Variants in TAFA1 observed in about 807,000 individuals in gnomAD.
The protein encoded by TAFA1 is TAFA chemokine like family member 1.
Under a neutral mutation model 18.5 loss-of-function variants are expected in TAFA1, and 4 were observed. That is an observed-to-expected ratio of 0.22 (90% CI 0.11 to 0.49). The LOEUF is 0.49. Among genes scored for constraint, TAFA1 ranks in the 20% least tolerant of loss-of-function variants. The probability of loss-of-function intolerance (pLI) is 0.98; values close to 1 mark genes in which losing one functional copy is unlikely to be tolerated. For missense variants in TAFA1, 147 were observed against 169.0 expected (o/e 0.87, Z 0.72); for synonymous variants, 56 against 55.2 (o/e 1.01, Z -0.06).
intron 3 of TAFA1, among the ~76,000 whole-genome samples, chr3:68,465,564 A>G (rs1575892435): frequency 6.6e-6 from 1 of 152,200 alleles, no homozygotes; most frequent in East Asian, 1.9e-4. Context: ...TTAGAAATTT[A>G]TTTCTGAAGT....
intron 2 of TAFA1, among the ~76,000 whole-genome samples, chr3:68,173,402 GA>G (rs2066083422): frequency 1.3e-5 from 2 of 151,970 alleles, no homozygotes; most frequent in South Asian, 4.1e-4. Context: ...TTCTGGGTGT[GA>G]GCTGCCACTC....
intron 2 of TAFA1, among the ~76,000 whole-genome samples, chr3:68,390,581 T>C (rs2070215225): frequency 2.0e-5 from 3 of 151,992 alleles, no homozygotes; most frequent in Non-Finnish European, 4.4e-5. Flanking sequence ...CCAGCAGGGG[T>C]TGACAGGTGC....
chr3:68,181,176 C>A (rs548687322), intron 2 of TAFA1, among the ~76,000 whole-genome samples: 1 of 152,234 alleles, frequency 6.6e-6, no homozygotes, highest in East Asian at 1.9e-4. Context: ...ATAACTGTTG[C>A]TGTCATCTTG....
chr3:68,245,487 C>G (rs1371214325), intron 2 of TAFA1, among the ~76,000 whole-genome samples: 2 of 152,098 alleles, frequency 1.3e-5, no homozygotes, highest in Non-Finnish European at 2.9e-5. Flanking sequence ...TTCTACTGTT[C>G]TACTTTTCAT....
intron 2 of TAFA1, among the ~76,000 whole-genome samples, chr3:68,071,681 C>T (rs2064756885): frequency 6.6e-6 from 1 of 152,118 alleles, no homozygotes; most frequent in South Asian, 2.1e-4. Context: ...CAAGAAACAC[C>T]AGAGGCTGGA....
intron 2 of TAFA1, among the ~76,000 whole-genome samples, chr3:68,189,011 TG>T (rs1450622948): frequency 6.6e-6 from 1 of 151,818 alleles, no homozygotes; most frequent in Non-Finnish European, 1.5e-5. Flanking sequence ...TTCCAATTGG[TG>T]GTACACTAAC....
At chr3:68,163,434 C>T (rs969090394) in intron 2 of TAFA1, among the ~76,000 whole-genome samples, 47 of 152,162 alleles carry the variant, frequency 3.1e-4, no homozygotes, top group African/African-American at 1.1e-3. Context: ...GAAGTTGATG[C>T]TGCACTTTGA....
intron 2 of TAFA1, among the ~76,000 whole-genome samples, chr3:68,162,361 T>TG: frequency 6.6e-6 from 1 of 152,296 alleles, no homozygotes; most frequent in African/African-American, 2.4e-5. Flanking sequence ...ATAAAGAGTG[T>TG]GCAGCCTTGA....
intron 2 of TAFA1, among the ~76,000 whole-genome samples, chr3:68,309,857 G>C (rs1418209990): frequency 6.6e-6 from 1 of 152,116 alleles, no homozygotes; most frequent in Non-Finnish European, 1.5e-5. Context: ...AATATGGCAG[G>C]ATGTTAGTTC....
intron 3 of TAFA1, among the ~76,000 whole-genome samples, chr3:68,517,380 C>A (rs1456066726): frequency 6.6e-6 from 1 of 152,154 alleles, no homozygotes; most frequent in Non-Finnish European, 1.5e-5. Flanking sequence ...AAAAGTGACA[C>A]CCTTTGTTTT....
chr3:68,356,835 C>T (rs2069375806), intron 2 of TAFA1, among the ~76,000 whole-genome samples: 1 of 151,948 alleles, frequency 6.6e-6, no homozygotes, highest in Non-Finnish European at 1.5e-5. Flanking sequence ...TGCATCATCT[C>T]ATTTAATCCT....
intron 3 of TAFA1, among the ~76,000 whole-genome samples, chr3:68,522,656 C>G (rs974094572): frequency 6.6e-6 from 1 of 152,204 alleles, no homozygotes; most frequent in Admixed American, 6.5e-5. Flanking sequence ...CGAGACCAGC[C>G]TGGCCAACAT....
At chr3:68,385,394 AGAGT>A (rs1329514313) in intron 2 of TAFA1, among the ~76,000 whole-genome samples, 1 of 152,138 alleles carries the variant, frequency 6.6e-6, no homozygotes, top group African/African-American at 2.4e-5. Context: ...AGTCAGTGTC[AGAGT>A]AAGTGGCTAA....
chr3:68,123,037 TCCTTCCTC>T (rs1225484364), intron 2 of TAFA1, among the ~76,000 whole-genome samples: 1 of 152,034 alleles, frequency 6.6e-6, no homozygotes, highest in Non-Finnish European at 1.5e-5. Flanking sequence ...GTAGATTTCT[TCCTTCCTC>T]CCTTCCTCCC....
At chr3:68,124,430 C>A (rs2065440223) in intron 2 of TAFA1, among the ~76,000 whole-genome samples, 1 of 152,112 alleles carries the variant, frequency 6.6e-6, no homozygotes, top group South Asian at 2.1e-4. Context: ...GTTATAATGT[C>A]TCTGAGACTG....
At chr3:68,444,203 G>A (rs1000084402) in intron 3 of TAFA1, among the ~76,000 whole-genome samples, 4 of 152,172 alleles carry the variant, frequency 2.6e-5, no homozygotes, top group Non-Finnish European at 5.9e-5. Flanking sequence ...TCCAAGGGTT[G>A]CTGTAGCCTC....
chr3:68,487,995 C>T (rs1266542634), intron 3 of TAFA1, among the ~76,000 whole-genome samples: 1 of 152,006 alleles, frequency 6.6e-6, no homozygotes, highest in East Asian at 1.9e-4. Context: ...TTACAGATGC[C>T]CCCACATAGC....
At chr3:68,392,194 AAAG>A (rs1418278778) in intron 2 of TAFA1, among the ~76,000 whole-genome samples, 69 of 143,246 alleles carry the variant, frequency 4.8e-4, no homozygotes, top group Non-Finnish European at 7.7e-4. Context: ...AAAAAAAAAA[AAAG>A]TAGGGATTGC....
intron 3 of TAFA1, among the ~76,000 whole-genome samples, chr3:68,503,106 A>G (rs999392832): frequency 2.0e-5 from 3 of 152,162 alleles, no homozygotes; most frequent in Non-Finnish European, 4.4e-5. Flanking sequence ...CACAAGTGGA[A>G]AGTTCCATAC....
Sources: allele counts gnomAD v4.1 joint callset (sites outside exome capture counted in the v4.1 genomes callset), GRCh38; gene constraint gnomAD v4.1.1; transcripts MANE v1.5; gene names NCBI Gene and HGNC (gene_info 2026-07-23, HGNC 2026-07-21).